The following SHCBP1 variants were observed in gnomAD, a reference collection of about 807,000 sequenced individuals.
SHCBP1 encodes SHC SH2 domain-binding protein 1.
SHCBP1 carries 60 observed loss-of-function variants against 75.1 expected under a neutral mutation model. The ratio of observed to expected loss-of-function variants is 0.80; its 90% CI spans 0.65 to 0.99. The LOEUF (loss-of-function observed/expected upper bound fraction) is 0.99. Among genes scored for constraint, SHCBP1 ranks in the 50% least tolerant of loss-of-function variants. The pLI is 0.00. For missense variants in SHCBP1, 709 were observed against 809.4 expected, an observed-to-expected ratio of 0.88 and a Z score of 1.50; for synonymous variants, 290 against 293.2, an observed-to-expected ratio of 0.99 and a Z score of 0.11.
intron 4 of SHCBP1, among the ~76,000 whole-genome samples, chr16:46,615,104 C>T (rs558962163): frequency 1.3e-5 from 2 of 152,136 alleles, no homozygotes; most frequent in African/African-American, 2.4e-5. Context: ...GGATAAAGAC[C>T]TTTATGATGA....
chr16:46,607,286 T>C (rs530105526), intron 5 of SHCBP1, among the ~76,000 whole-genome samples: 4 of 152,250 alleles, frequency 2.6e-5, no homozygotes, highest in East Asian at 1.9e-4. Flanking sequence ...GCCCAGGAGA[T>C]TGAGGCTGCA....
At chr16:46,589,080 A>G (rs1480666774) in intron 10 of SHCBP1, among the ~76,000 whole-genome samples, 1 of 152,248 alleles carries the variant, frequency 6.6e-6, no homozygotes, top group East Asian at 1.9e-4. Flanking sequence ...CCACATGATT[A>G]TCTCAATAGA....
chr16:46,591,236 C>T (rs557647429), intron 10 of SHCBP1, among the ~76,000 whole-genome samples: 4 of 152,190 alleles, frequency 2.6e-5, no homozygotes, highest in Non-Finnish European at 5.9e-5. Context: ...TTAATGGGTG[C>T]AGCACACCAA....
intron 10 of SHCBP1, among the ~76,000 whole-genome samples, chr16:46,593,138 A>C (rs1410641456): frequency 6.6e-6 from 1 of 151,726 alleles, no homozygotes; most frequent in East Asian, 1.9e-4. Flanking sequence ...CAAGGGGGGA[A>C]AAAGGCATAA....
chr16:46,587,588 A>C (rs1452770848), intron 10 of SHCBP1, among the ~76,000 whole-genome samples: 1 of 152,180 alleles, frequency 6.6e-6, no homozygotes, highest in East Asian at 1.9e-4. Context: ...AGAGCTAACT[A>C]TCCTAAATAT....
chr16:46,613,337 A>AAAAACAC (rs533660249), intron 4 of SHCBP1, among the ~76,000 whole-genome samples: 1 of 152,228 alleles, frequency 6.6e-6, no homozygotes, highest in Non-Finnish European at 1.5e-5. Context: ...CCAAAAAAAC[A>AAAAACAC]AAAACACAAA....
chr16:46,618,189 C>T lies in SHCBP1; in HGVS notation c.271+16G>A. 7.0e-6 allele frequency: 11 copies of T among 1,564,574 alleles called. No individual in the cohort carries two copies. The highest frequency in any genetic ancestry group is 9.5e-6 in the Non-Finnish European group (11 of 1,161,006). ...GAAACTCCATCTCAAAAAAAAAAAG[C>T]AAAAAACCTACTCACCTAAAATGTA... On this transcript the variant is annotated intron_variant, in intron 2 of 12. Coordinates refer to ENST00000303383, the MANE Select transcript of SHCBP1 (RefSeq NM_024745.5).
intron 4 of SHCBP1, among the ~76,000 whole-genome samples, chr16:46,612,163 G>A (rs1965425258): frequency 6.6e-6 from 1 of 152,152 alleles, no homozygotes; most frequent in Non-Finnish European, 1.5e-5. Context: ...AGAGGAGAGG[G>A]TGTGAAGAAG....
intron 7 of SHCBP1, 140 bp from the exon 8 acceptor site, chr16:46,603,799 G>T: frequency 7.8e-7 from 1 of 1,289,512 alleles, no homozygotes; most frequent in Non-Finnish European, 1.1e-6. Context: ...ATAGCGCACT[G>T]ACCTAACACA....
At chr16:46,611,886 T>C (rs542347750) in intron 4 of SHCBP1, among the ~76,000 whole-genome samples, 75 of 152,374 alleles carry the variant, frequency 4.9e-4, no homozygotes, top group Admixed American at 1.1e-3. Flanking sequence ...GTTCACTGTC[T>C]AGAACCTTTA....
At chr16:46,607,914 G>A (rs530321251) in intron 5 of SHCBP1, among the ~76,000 whole-genome samples, 1 of 152,248 alleles carries the variant, frequency 6.6e-6, no homozygotes, top group South Asian at 2.1e-4. Flanking sequence ...TTCAAATAAT[G>A]TCACTGTTTT....
At position 46,581,559 on chromosome 16, in the gene SHCBP1, G is replaced by A. The variant is rs1051806820; in HGVS notation, c.*170C>T. ...GCATTTATGATTTTTCTTATAAAGA[G>A]GGAGTGTTTTATGTGCAACACCTGC... On this transcript the variant is annotated 3_prime_UTR_variant, in exon 13 of 13. Coordinates refer to ENST00000303383, the MANE Select transcript of SHCBP1 (RefSeq NM_024745.5). The A allele has an allele frequency of 1.5e-5, 9 of 587,464 alleles. No individual in the cohort carries two copies. The highest frequency in any genetic ancestry group is 2.1e-5 in the Non-Finnish European group (7 of 339,574). The allele number at this position is 587,464 out of a possible 1,614,324, so 36.4% of individuals were successfully genotyped here. A position where few individuals can be genotyped will look rare whatever the true frequency, so the allele number is the denominator to read the frequency against.
Position 46,616,764 on chromosome 16 carries a change from TTC to T in SHCBP1, c.388-612_388-611del, listed in dbSNP as rs1965505861. ...AGTTTTAAGCAGAGAAATGGCATGC[TTC>T]TGTTTTAAAACAATGACTTTCATTG... On this transcript the variant is annotated intron_variant, in intron 3 of 12. Transcript: ENST00000303383. The surrounding 1 kb of genome is among the most constrained non-coding windows in gnomAD (Gnocchi z 4.4). Among the ~76,000 whole-genome samples, 1 of 152,156 alleles carries T rather than the reference TTC, an allele frequency of 6.6e-6. No homozygotes were observed. Among genetic ancestry groups the T allele is most frequent in the Non-Finnish European group, 1.5e-5 (1 of 68,012 alleles).
chr16:46,604,200 T>C (rs752593121), intron 6 of SHCBP1, 28 bp downstream of exon 6: 1 of 1,612,686 alleles, frequency 6.2e-7, no homozygotes, highest in East Asian at 2.2e-5. Flanking sequence ...AGATGCTGAC[T>C]AACTAAGAAT....
At chr16:46,595,754 A>C (rs551318039) in intron 9 of SHCBP1, 84 bp from the exon 10 acceptor site, 1 of 860,906 alleles carries the variant, frequency 1.2e-6, no homozygotes, top group Non-Finnish European at 1.8e-6. Flanking sequence ...GACATTAGCT[A>C]TGGTCTAAAT....
intron 4 of SHCBP1, among the ~76,000 whole-genome samples, chr16:46,610,762 T>C (rs1340394732): frequency 1.3e-5 from 2 of 151,714 alleles, no homozygotes; most frequent in Non-Finnish European, 2.9e-5. Context: ...TTTCGCCATG[T>C]TGTCTAGGCT....
At chr16:46,589,696 C>G (rs570791755) in intron 10 of SHCBP1, among the ~76,000 whole-genome samples, 33 of 152,280 alleles carry the variant, frequency 2.2e-4, no homozygotes, top group African/African-American at 7.9e-4. Context: ...GAAGAACATT[C>G]CATGCTCATG....
intron 1 of SHCBP1, 57 bp downstream of exon 1, chr16:46,621,200 C>T (rs1965584237): frequency 2.6e-6 from 4 of 1,521,094 alleles, no homozygotes; most frequent in South Asian, 2.3e-5. Flanking sequence ...CCTAGGGTCC[C>T]GACGCCCCAG....
intron 4 of SHCBP1, among the ~76,000 whole-genome samples, chr16:46,615,395 C>G (rs554148454): frequency 5.9e-5 from 9 of 152,102 alleles, no homozygotes; most frequent in Non-Finnish European, 1.2e-4. Context: ...GTCAACTATA[C>G]TAGTTTTGTC....
Sources: gnomAD v4.1 joint callset for allele counts (sites outside exome capture counted in the v4.1 genomes callset) on GRCh38, gnomAD v4.1.1 for gene constraint, Gnocchi (gnomAD v3.1) non-coding constraint, MANE v1.5 for transcripts, NCBI Gene and HGNC (gene_info 2026-07-23, HGNC 2026-07-21) for gene names.